Variants in BBOX1 observed in about 807,000 individuals in gnomAD.
BBOX1 encodes gamma-butyrobetaine hydroxylase 1.
A neutral mutation model predicts 41.6 loss-of-function variants in BBOX1; 35 were observed. The ratio of observed to expected loss-of-function variants is 0.84; its 90% CI spans 0.64 to 1.11. The LOEUF (loss-of-function observed/expected upper bound fraction) is 1.11, where lower values mean the gene tolerates loss of function less well. BBOX1 is among the 50% of genes most tolerant of loss of function. The pLI, the probability that BBOX1 is intolerant of heterozygous loss-of-function variation, is 0.00. For synonymous variants in BBOX1, 163 were observed against 154.7 expected (o/e 1.05, Z -0.40); for missense variants, 458 against 460.6 (o/e 0.99, Z 0.05).
At chr11:27,089,977 G>C (rs1858180875) in intron 4 of BBOX1, among the ~76,000 whole-genome samples, 2 of 151,944 alleles carry the variant, frequency 1.3e-5, no homozygotes, top group South Asian at 4.1e-4. Flanking sequence ...TAAACACAAT[G>C]AGCAAATGGG....
intron 5 of BBOX1, among the ~76,000 whole-genome samples, chr11:27,106,279 TA>T (rs1272267592): frequency 6.2e-5 from 7 of 113,410 alleles, no homozygotes; most frequent in Non-Finnish European, 1.1e-4. Flanking sequence ...ATGCTCCAAT[TA>T]AAAGGCACAG....
intron 5 of BBOX1, among the ~76,000 whole-genome samples, chr11:27,101,255 G>C (rs1251019947): frequency 6.6e-6 from 1 of 152,036 alleles, no homozygotes; most frequent in Non-Finnish European, 1.5e-5. Context: ...AAATTAAGTA[G>C]AATGACAGCA....
intron 4 of BBOX1, among the ~76,000 whole-genome samples, chr11:27,068,863 T>C (rs1021326499): frequency 1.3e-5 from 2 of 152,144 alleles, no homozygotes; most frequent in Non-Finnish European, 2.9e-5. Context: ...GTATGTTTTG[T>C]CAAAGATCCA....
At chr11:27,041,593 G>C (rs1564947391) in intron 2 of BBOX1, 115 bp downstream of exon 2, 1 of 152,156 alleles carries the variant, frequency 6.6e-6, no homozygotes, top group Non-Finnish European at 1.5e-5. Context: ...GGACTGAGGT[G>C]GTGGGGAGCA....
At chr11:27,046,883 A>C (rs1166511626) in intron 2 of BBOX1, among the ~76,000 whole-genome samples, 1 of 150,250 alleles carries the variant, frequency 6.7e-6, no homozygotes, top group Non-Finnish European at 1.5e-5. Flanking sequence ...TATAATTTTC[A>C]GAAAGCATTT....
chr11:27,105,962 CA>C (rs1858850844), intron 5 of BBOX1, among the ~76,000 whole-genome samples: 1 of 152,104 alleles, frequency 6.6e-6, no homozygotes, highest in South Asian at 2.1e-4. Context: ...AAAGAATTTT[CA>C]ACCCAGAATT....
At chr11:27,093,827 C>G (rs1474083115) in intron 5 of BBOX1, among the ~76,000 whole-genome samples, 1 of 151,926 alleles carries the variant, frequency 6.6e-6, no homozygotes, top group African/African-American at 2.4e-5. Flanking sequence ...CCTGCTGTCT[C>G]TTCTTCTTCT....
In BBOX1 at chr11:27,119,717, T is replaced by C. The variant is rs896117613; in HGVS notation, c.708T>C (p.Asn236=). The change falls in exon 7 of 9, where the codon AAT becomes AAC. Residue 236 remains asparagine (N), a synonymous_variant. Transcript: ENST00000263182. Reference sequence around the variant, plus strand: ...ATTCAGAAATTGTAGATGGGTTTAATGTGTGCCAAAAACTAAAGAAAAATA... The same window carrying C: ...ATTCAGAAATTGTAGATGGGTTTAACGTGTGCCAAAAACTAAAGAAAAATA... ...GGDSEIVDGF[N]VCQKLKKNNP... The C allele has an allele frequency of 4.4e-6, 7 of 1,604,776 alleles. No homozygotes were observed. The highest frequency in any genetic ancestry group is 1.1e-5 in the South Asian group (1 of 89,744).
chr11:27,064,358 A>C (rs960929264), intron 4 of BBOX1, among the ~76,000 whole-genome samples: 2 of 152,082 alleles, frequency 1.3e-5, no homozygotes, highest in African/African-American at 4.8e-5. Context: ...GAGACTAATA[A>C]AGATTCCTTC....
At chr11:27,119,612 T>C in intron 6 of BBOX1, 37 bp from the exon 7 acceptor site, 1 of 1,110,644 alleles carries the variant, frequency 9.0e-7, no homozygotes, top group Non-Finnish European at 1.2e-6. Context: ...AAATGTAATT[T>C]AATATTTATT....
intron 3 of BBOX1, among the ~76,000 whole-genome samples, chr11:27,056,178 T>C (rs1425060256): frequency 6.6e-6 from 1 of 152,240 alleles, no homozygotes; most frequent in Non-Finnish European, 1.5e-5. Flanking sequence ...GTTATGTCTA[T>C]AGTACTTGTT....
At position 27,127,241 on chromosome 11, in the gene BBOX1, G is replaced by A. The variant is rs373764565; in HGVS notation, c.1004-52G>A. 1.2e-4 allele frequency: 181 copies of A among 1,573,100 alleles called. 1 individual carries two copies. The African/African-American group carries it at 2.3e-3, about 20-fold the overall frequency. On this transcript the variant is annotated intron_variant, in intron 8 of 8. Coordinates refer to ENST00000263182, the MANE Select transcript of BBOX1 (RefSeq NM_003986.3). ...TTTGCATGTTACATTTTCTAGCTCT[G>A]TAAGTCATTTAAACACACAATTATT...
chr11:27,094,825 T>C (rs1858378082), intron 5 of BBOX1, among the ~76,000 whole-genome samples: 1 of 151,976 alleles, frequency 6.6e-6, no homozygotes, highest in African/African-American at 2.4e-5. Flanking sequence ...TGGATTTGTG[T>C]TGTATAAAAT....
At position 27,127,579 on chromosome 11, in the gene BBOX1, C is replaced by A; in HGVS notation, c.*126C>A. On this transcript the variant is annotated 3_prime_UTR_variant, in exon 9 of 9. Coordinates refer to ENST00000263182, the MANE Select transcript of BBOX1 (RefSeq NM_003986.3). ...CCTTAACAATGAACATGTAACTTCT[C>A]TCACAAGAGTACTCTTTACTTTGTA... 9.3e-7 allele frequency: 1 copy of A among 1,075,870 alleles called. No homozygotes were observed. Among genetic ancestry groups the A allele is most frequent in the Non-Finnish European group, 1.3e-6 (1 of 762,284 alleles). 66.6% of individuals were successfully genotyped at this position (1,075,870 alleles called of 1,614,324 possible). A position where few individuals can be genotyped will look rare whatever the true frequency, so the allele number is the denominator to read the frequency against.
chr11:27,105,709 G>A (rs535502487), intron 5 of BBOX1, among the ~76,000 whole-genome samples: 2 of 152,196 alleles, frequency 1.3e-5, no homozygotes, highest in South Asian at 4.1e-4. Flanking sequence ...TAGCAAGGCA[G>A]GCCAACATTC....
chr11:27,112,063 C>G (rs1287125537), intron 5 of BBOX1, among the ~76,000 whole-genome samples: 2 of 151,950 alleles, frequency 1.3e-5, no homozygotes, highest in Non-Finnish European at 2.9e-5. Context: ...GTCTAAGCCT[C>G]TGCATTTTGC....
At chr11:27,090,109 A>G (rs901092267) in intron 4 of BBOX1, among the ~76,000 whole-genome samples, 3 of 151,982 alleles carry the variant, frequency 2.0e-5, no homozygotes, top group Non-Finnish European at 4.4e-5. Flanking sequence ...TAGTTTAAGT[A>G]TGAGGGACTG....
In BBOX1 at chr11:27,106,093, A is replaced by G. The variant is rs374745439; in HGVS notation, c.534-9359A>G. On this transcript the variant is annotated intron_variant, in intron 5 of 8. Coordinates refer to ENST00000263182, the MANE Select transcript of BBOX1 (RefSeq NM_003986.3). Reference sequence around the variant, plus strand: ...CCCTAAAAGAGCTCCTGAAGGAAGCACTAAACATGGAAAGGAACAACCGGT... The same window carrying G: ...CCCTAAAAGAGCTCCTGAAGGAAGCGCTAAACATGGAAAGGAACAACCGGT... 6.7e-4 allele frequency among the ~76,000 whole-genome samples: 102 copies of G among 152,268 alleles called. 1 individual carries two copies. In the South Asian group the frequency reaches 0.01, roughly 15 times the overall value.
chr11:27,043,619 G>C (rs1851409016), intron 2 of BBOX1, among the ~76,000 whole-genome samples: 1 of 152,078 alleles, frequency 6.6e-6, no homozygotes, highest in Non-Finnish European at 1.5e-5. Flanking sequence ...ACAGGCCCTG[G>C]TATGTGATGT....
Sources: allele counts gnomAD v4.1 joint callset (sites outside exome capture counted in the v4.1 genomes callset), GRCh38; gene constraint gnomAD v4.1.1; transcripts MANE v1.5; gene names NCBI Gene and HGNC (gene_info 2026-07-23, HGNC 2026-07-21).